The following GLI2 variants were observed in gnomAD, a reference collection of about 807,000 sequenced individuals.
The protein encoded by GLI2 is transcription activator GLI2.
Under a neutral mutation model 78.9 loss-of-function variants are expected in GLI2, and 22 were observed. The ratio of observed to expected loss-of-function variants is 0.28; its 90% CI spans 0.20 to 0.40. The LOEUF (loss-of-function observed/expected upper bound fraction) is 0.40, where lower values mean the gene tolerates loss of function less well. GLI2 is among the 10% of genes least tolerant of loss of function. The pLI, the probability that GLI2 is intolerant of heterozygous loss-of-function variation, is 1.00. For synonymous variants in GLI2, 974 were observed against 963.7 expected, an observed-to-expected ratio of 1.01 and a Z score of -0.20; for missense variants, 2,097 against 2,213.2, an observed-to-expected ratio of 0.95 and a Z score of 1.05.
Position 120,986,579 on chromosome 2 carries a change from C to T in GLI2, c.2207C>T (p.Thr736Met), listed in dbSNP as rs1296344698. Residue 736 changes from threonine (T) to methionine (M), a missense_variant, in exon 13 of 14, where the codon ACG becomes ATG. Physicochemically the swap from Thr to Met is moderately conservative, Grantham distance 81 (BLOSUM62 -1). Transcript: ENST00000361492. ...TCATGGGCCGGGCCGACTCCACACACGCGGAACACCAAGCTGCCTCCCCTC... is the reference window on the plus strand; with the variant it reads ...TCATGGGCCGGGCCGACTCCACACATGCGGAACACCAAGCTGCCTCCCCTC... ...SCSWAGPTPH[T>M]RNTKLPPLPG... 6 of 1,614,012 alleles carry T rather than the reference C, an allele frequency of 3.7e-6. No homozygotes were observed. The highest frequency in any genetic ancestry group is 4.2e-6 in the Non-Finnish European group (5 of 1,180,024).
At chr2:120,812,139 A>G (rs1167313199) in intron 2 of GLI2, among the ~76,000 whole-genome samples, 1 of 152,186 alleles carries the variant, frequency 6.6e-6, no homozygotes, top group East Asian at 1.9e-4. Context: ...GTCTCTCTCA[A>G]ATGTGCTGGT....
intron 2 of GLI2, among the ~76,000 whole-genome samples, chr2:120,875,515 C>G (rs2104691300): frequency 6.6e-6 from 1 of 152,340 alleles, no homozygotes; most frequent in Admixed American, 6.5e-5. Flanking sequence ...AGGAGAGTTA[C>G]AGTAGACACA....
At chr2:120,740,711 TATTG>T (rs1434078498) in intron 1 of GLI2, among the ~76,000 whole-genome samples, 1 of 152,252 alleles carries the variant, frequency 6.6e-6, no homozygotes. Context: ...TGTCAAGGTT[TATTG>T]ATTATGTTTT....
chr2:120,816,988 G>A (rs73949918), intron 2 of GLI2, among the ~76,000 whole-genome samples: 7,973 of 152,228 alleles, frequency 0.052, 677 homozygotes, highest in African/African-American at 0.18. Flanking sequence ...TTACCCATGC[G>A]TTATTTTGTA....
chr2:120,951,170 A>T, intron 3 of GLI2, 73 bp from the exon 4 acceptor site: 1 of 837,742 alleles, frequency 1.2e-6, no homozygotes, highest in African/African-American at 1.7e-5. Context: ...AGGACTGTCC[A>T]TGTTGGTTTT....
intron 4 of GLI2, among the ~76,000 whole-genome samples, chr2:120,952,587 C>G (rs929988444): frequency 6.6e-6 from 1 of 152,202 alleles, no homozygotes; most frequent in South Asian, 2.1e-4. Context: ...TTGCCTGGTC[C>G]TCACAAAAGA....
At chr2:120,761,375 G>A (rs1558783603) in intron 1 of GLI2, among the ~76,000 whole-genome samples, 2 of 152,162 alleles carry the variant, frequency 1.3e-5, no homozygotes, top group Non-Finnish European at 2.9e-5. Flanking sequence ...CCCAGCCCAG[G>A]AGGTGAGACC....
Position 120,990,699 on chromosome 2 carries a change from TGCACCCGGAGGGGTCATC to T in GLI2, c.*27_*44del. ...AGAGGCCCGAGCGCCTGGTGCTGAGTGCACCCGGAGGGGTCATCGCTGCCCAGAGCCTGGGGATTCCAG... is the reference window on the plus strand; with the variant it reads ...AGAGGCCCGAGCGCCTGGTGCTGAGTGCTGCCCAGAGCCTGGGGATTCCAG... On this transcript the variant is annotated 3_prime_UTR_variant, in exon 14 of 14. Coordinates refer to ENST00000361492, the MANE Select transcript of GLI2 (RefSeq NM_001374353.1). 6.3e-7 allele frequency: 1 copy of T among 1,596,762 alleles called. No homozygotes were observed. The highest frequency in any genetic ancestry group is 1.3e-5 in the African/African-American group (1 of 74,774).
Position 120,989,557 on chromosome 2 carries a change from G to T in GLI2, c.3592G>T (p.Gly1198Cys). ...LQPRSGAPSQ[G>C]IPRVNYMQQL... is the part of the protein sequence containing the mutation. Reference sequence around the variant, plus strand: ...GCCCCGCAGCGGAGCCCCCTCCCAGGGCATCCCCAGGGTAAACTACATGCA... The same window carrying T: ...GCCCCGCAGCGGAGCCCCCTCCCAGTGCATCCCCAGGGTAAACTACATGCA... The change falls in exon 14 of 14, where the codon GGC becomes TGC. Residue 1198 changes from glycine to cysteine, a missense_variant. By Grantham distance (159) the Gly-to-Cys change is radical (BLOSUM62 -3). Coordinates refer to ENST00000361492, the MANE Select transcript of GLI2 (RefSeq NM_001374353.1). 6.2e-7 allele frequency: 1 copy of T among 1,612,952 alleles called. No homozygotes were observed. The highest frequency in any genetic ancestry group is 1.3e-5 in the African/African-American group (1 of 75,036).
chr2:120,974,573 T>C (rs1181643460), intron 8 of GLI2, among the ~76,000 whole-genome samples: 2 of 152,174 alleles, frequency 1.3e-5, no homozygotes, highest in Non-Finnish European at 2.9e-5. Context: ...TGTGTATTCA[T>C]GGGGAGGGCC....
chr2:120,743,494 G>A (rs759894797), intron 1 of GLI2, among the ~76,000 whole-genome samples: 12 of 152,034 alleles, frequency 7.9e-5, no homozygotes, highest in Non-Finnish European at 1.8e-4. Flanking sequence ...ATTAAATACC[G>A]GCCTATGAAG....
At chr2:120,979,385 G>A (rs564263885) in intron 10 of GLI2, among the ~76,000 whole-genome samples, 1 of 152,272 alleles carries the variant, frequency 6.6e-6, no homozygotes, top group East Asian at 1.9e-4. Context: ...CACAGAAACT[G>A]CTGCCCCACA....
Position 120,988,694 on chromosome 2 carries a change from T to C in GLI2, c.2729T>C (p.Leu910Pro). The C allele has an allele frequency of 5.6e-6, 7 of 1,261,246 alleles. No individual in the cohort carries two copies. The highest frequency in any genetic ancestry group is 7.0e-6 in the Non-Finnish European group (7 of 997,732). The allele number at this position is 1,261,246 out of a possible 1,614,324, so 78.1% of individuals were successfully genotyped here. A position where few individuals can be genotyped will look rare whatever the true frequency, so the allele number is the denominator to read the frequency against. Reference sequence around the variant, plus strand: ...CTGCTGGACGCGCCCGAGCGCACGCTGCCCGCCGGCTGCCCACGCCCACTG... The same window carrying C: ...CTGCTGGACGCGCCCGAGCGCACGCCGCCCGCCGGCTGCCCACGCCCACTG... ...LALLDAPERT[L>P]PAGCPRPLGP... The change falls in exon 14 of 14, where the codon CTG becomes CCG. Residue 910 changes from leucine to proline, a missense_variant. Transcript: ENST00000361492.
intron 3 of GLI2, among the ~76,000 whole-genome samples, chr2:120,944,328 A>G (rs887179714): frequency 1.3e-5 from 2 of 152,154 alleles, no homozygotes; most frequent in South Asian, 2.1e-4. Context: ...AGCACCTACT[A>G]AGTGCCTGGT....
At chr2:120,987,244 T>C (rs911699322) in intron 13 of GLI2, among the ~76,000 whole-genome samples, 1 of 152,224 alleles carries the variant, frequency 6.6e-6, no homozygotes, top group African/African-American at 2.4e-5. Context: ...TGTGCCGGGC[T>C]GCCCACTGTG....
At position 120,990,724 on chromosome 2, in the gene GLI2, C is replaced by G; in HGVS notation, c.*49C>G. Reference sequence around the variant, plus strand: ...TGCACCCGGAGGGGTCATCGCTGCCCAGAGCCTGGGGATTCCAGCTGTCTT... The same window carrying G: ...TGCACCCGGAGGGGTCATCGCTGCCGAGAGCCTGGGGATTCCAGCTGTCTT... On this transcript the variant is annotated 3_prime_UTR_variant, in exon 14 of 14. Coordinates refer to ENST00000361492, the MANE Select transcript of GLI2 (RefSeq NM_001374353.1). 2 of 1,491,666 alleles carry G rather than the reference C, an allele frequency of 1.3e-6. No homozygotes were observed. Among genetic ancestry groups the G allele is most frequent in the Non-Finnish European group, 1.8e-6 (2 of 1,087,266 alleles). The allele number at this position is 1,491,666 out of a possible 1,614,324, so 92.4% of individuals were successfully genotyped here.
chr2:120,776,627 G>A (rs2104664505), intron 1 of GLI2, among the ~76,000 whole-genome samples: 1 of 152,290 alleles, frequency 6.6e-6, no homozygotes, highest in South Asian at 2.1e-4. Flanking sequence ...GAATGCAGGG[G>A]GACCTCACCA....
intron 3 of GLI2, among the ~76,000 whole-genome samples, chr2:120,948,390 C>A (rs1005239604): frequency 1.3e-5 from 2 of 152,164 alleles, no homozygotes; most frequent in African/African-American, 4.8e-5. Context: ...CTGGGCTACC[C>A]CTGGGCTCCT....
intron 2 of GLI2, among the ~76,000 whole-genome samples, chr2:120,862,334 C>T (rs1372370827): frequency 6.6e-6 from 1 of 152,180 alleles, no homozygotes; most frequent in African/African-American, 2.4e-5. Flanking sequence ...ATGCAGTTCG[C>T]CCACCCCTCC....
Sources: allele counts gnomAD v4.1 joint callset (sites outside exome capture counted in the v4.1 genomes callset), GRCh38; gene constraint gnomAD v4.1.1; transcripts MANE v1.5; gene names NCBI Gene and HGNC (gene_info 2026-07-23, HGNC 2026-07-21).